Variants in CYP3A43 observed in about 807,000 individuals in gnomAD.
The protein encoded by CYP3A43 is cytochrome P450 3A43.
In CYP3A43, 45 loss-of-function variants were observed where a neutral mutation model predicts 58.0. The ratio of observed to expected loss-of-function variants is 0.78; its 90% CI spans 0.61 to 0.99. The LOEUF (loss-of-function observed/expected upper bound fraction) is 0.99, where lower values mean the gene tolerates loss of function less well. Ranked by LOEUF, CYP3A43 falls within the 50% of genes least tolerant of loss-of-function variation. CYP3A43 has a pLI of 0.00. For synonymous variants in CYP3A43, 191 were observed against 201.4 expected (o/e 0.95, Z 0.44); for missense variants, 593 against 591.9 (o/e 1.00, Z -0.02).
In CYP3A43 at chr7:99,865,801, T is replaced by C. The variant is rs370410013; in HGVS notation, c.1417-105T>C. Reference sequence around the variant, plus strand: ...GTATGGTGCTGAAAGTAGTTTTTTTTTAGTCATTGCAAAGCATTACCCTTG... The same window carrying C: ...GTATGGTGCTGAAAGTAGTTTTTTTCTAGTCATTGCAAAGCATTACCCTTG... On this transcript the variant is annotated intron_variant, in intron 12 of 12. Coordinates refer to ENST00000354829, the MANE Select transcript of CYP3A43 (RefSeq NM_057095.3). The C allele has an allele frequency of 4.2e-5, 29 of 694,404 alleles. 4 individuals carry two copies. The African/African-American group carries it at 5.9e-4, about 14-fold the overall frequency. 43.0% of individuals were successfully genotyped at this position (694,404 alleles called of 1,614,324 possible).
At chr7:99,855,386 C>T in intron 7 of CYP3A43, 1 of 530,072 alleles carries the variant, frequency 1.9e-6, no homozygotes, top group Non-Finnish European at 3.2e-6. Flanking sequence ...AGTGGAGGCC[C>T]CTATGTGTGG....
chr7:99,850,188 C>T, intron 7 of CYP3A43: 2 of 294,290 alleles, frequency 6.8e-6, no homozygotes, highest in East Asian at 1.0e-4. Context: ...AACCCCTAAC[C>T]TCATGATCCG....
chr7:99,849,833 A>G (rs1423033615), intron 7 of CYP3A43, 139 bp downstream of exon 7: 15 of 898,566 alleles, frequency 1.7e-5, no homozygotes, highest in African/African-American at 3.5e-5. Context: ...TGGTACATTT[A>G]AAGATATGCA....
chr7:99,850,880 C>T (rs1391876303), intron 7 of CYP3A43, among the ~76,000 whole-genome samples: 1 of 152,020 alleles, frequency 6.6e-6, no homozygotes, highest in East Asian at 1.9e-4. Flanking sequence ...AGATATGCTG[C>T]ATTTTGCGCT....
rs149596791 is a variant in CYP3A43, at chr7:99,835,730, G to C, written c.72-723G>C. ...GACTATGGTATTCCTTACCCAGGTA[G>C]TGTGTACACAGTGTGGGCATCCTTC... On this transcript the variant is annotated intron_variant, in intron 1 of 12. Transcript: ENST00000354829. Among the ~76,000 whole-genome samples, 107 of 152,318 alleles carry C rather than the reference G, an allele frequency of 7.0e-4. 1 individual carries two copies. In the East Asian group the frequency reaches 0.019, roughly 28 times the overall value.
In CYP3A43 at chr7:99,847,568, A is replaced by C. The variant is rs752107319; in HGVS notation, c.399A>C (p.Leu133=). 2 of 1,614,046 alleles carry C rather than the reference A, an allele frequency of 1.2e-6. No homozygotes were observed. Among genetic ancestry groups the C allele is most frequent in the South Asian group, 2.2e-5 (2 of 91,072 alleles). Residue 133 remains leucine (L), a synonymous_variant, in exon 5 of 13, where the codon CTA becomes CTC. Coordinates refer to ENST00000354829, the MANE Select transcript of CYP3A43 (RefSeq NM_057095.3). The part of the protein sequence containing the change: ...DEEWKRIRTL[L]SPAFTSVKFK... ...AATGGAAGAGAATACGAACATTGCT[A>C]TCTCCAGCTTTCACCAGTGTAAAAT...
rs1405513382 is a variant in CYP3A43, at chr7:99,836,669, G to A, written c.165+123G>A. ...TGTTTTACACTTTCAGAAATGGTGTGTATGCTCCACCCAGAGCAGGGCCAG... is the reference window on the plus strand; with the variant it reads ...TGTTTTACACTTTCAGAAATGGTGTATATGCTCCACCCAGAGCAGGGCCAG... On this transcript the variant is annotated intron_variant, in intron 2 of 12. Coordinates refer to ENST00000354829, the MANE Select transcript of CYP3A43 (RefSeq NM_057095.3). The A allele has an allele frequency of 5.7e-6, 4 of 701,198 alleles. No individual in the cohort carries two copies. In the East Asian group the frequency reaches 1.1e-4, roughly 20 times the overall value. The allele number at this position is 701,198 out of a possible 1,614,324, so 43.4% of individuals were successfully genotyped here.
intron 1 of CYP3A43, among the ~76,000 whole-genome samples, chr7:99,833,635 G>T (rs201135980): frequency 6.6e-6 from 1 of 152,138 alleles, no homozygotes; most frequent in African/African-American, 2.4e-5. Context: ...TTCTGCTTAC[G>T]CACTCTTTAA....
intron 4 of CYP3A43, among the ~76,000 whole-genome samples, chr7:99,846,899 T>C (rs553599359): frequency 6.6e-6 from 1 of 152,326 alleles, no homozygotes; most frequent in South Asian, 2.1e-4. Context: ...GAAATAGCAT[T>C]CTTTTCTTTA....
At chr7:99,839,914 T>C (rs1817266345) in intron 3 of CYP3A43, among the ~76,000 whole-genome samples, 1 of 152,198 alleles carries the variant, frequency 6.6e-6, no homozygotes, top group African/African-American at 2.4e-5. Context: ...CCTAATCTTT[T>C]ATTATGCAGA....
At chr7:99,844,324 G>T in intron 4 of CYP3A43, 82 bp downstream of exon 4, 3 of 1,348,134 alleles carry the variant, frequency 2.2e-6, no homozygotes, top group Non-Finnish European at 3.1e-6. Flanking sequence ...CCAGAAAATG[G>T]ACAGGAAAGT....
intron 11 of CYP3A43, 49 bp from the exon 12 acceptor site, chr7:99,863,488 T>C: frequency 1.3e-6 from 2 of 1,502,122 alleles, no homozygotes. Context: ...GTAGTTTTAA[T>C]AGTTTTTATG....
At chr7:99,847,008 A>AT (rs4646473) in intron 4 of CYP3A43, among the ~76,000 whole-genome samples, 5 of 151,156 alleles carry the variant, frequency 3.3e-5, no homozygotes, top group South Asian at 2.1e-4. Context: ...CTTATTACTA[A>AT]TTTTTTTTTC....
intron 7 of CYP3A43, among the ~76,000 whole-genome samples, chr7:99,853,808 G>T (rs572049883): frequency 6.6e-6 from 1 of 152,126 alleles, no homozygotes. Flanking sequence ...CACCTGCCTC[G>T]GCCTCCCAAA....
intron 3 of CYP3A43, 63 bp downstream of exon 3, chr7:99,839,235 A>G (rs1817228756): frequency 6.3e-7 from 1 of 1,591,560 alleles, no homozygotes; most frequent in African/African-American, 1.3e-5. Context: ...TTTACTGCAG[A>G]GAGAACAATC....
At chr7:99,843,175 C>T (rs1817406923) in intron 3 of CYP3A43, among the ~76,000 whole-genome samples, 1 of 152,154 alleles carries the variant, frequency 6.6e-6, no homozygotes, top group Admixed American at 6.6e-5. Flanking sequence ...GAGCACTTCT[C>T]AGAGCCTCAC....
At chr7:99,861,498 T>C in intron 10 of CYP3A43, 115 bp from the exon 11 acceptor site, 1 of 888,304 alleles carries the variant, frequency 1.1e-6, no homozygotes, top group Non-Finnish European at 1.7e-6. Flanking sequence ...TGCAACAATC[T>C]TTTACCAGAA....
In CYP3A43 at chr7:99,861,657, CATG is replaced by C; in HGVS notation, c.1072_1074del (p.Met358del). Reference sequence around the variant, plus strand: ...CCCTGGTACAGATGGAGTACCTTGACATGGTGGTGAATGAAACGCTCAGATTAT... The same window carrying C: ...CCCTGGTACAGATGGAGTACCTTGACGTGGTGAATGAAACGCTCAGATTAT... On this transcript the variant is annotated inframe_deletion, in exon 11 of 13. Coordinates refer to ENST00000354829, the MANE Select transcript of CYP3A43 (RefSeq NM_057095.3). 1 of 1,614,152 alleles carries C rather than the reference CATG, an allele frequency of 6.2e-7. No individual in the cohort carries two copies. The highest frequency in any genetic ancestry group is 8.5e-7 in the Non-Finnish European group (1 of 1,180,018).
chr7:99,849,891 C>T, intron 7 of CYP3A43, 197 bp downstream of exon 7: 2 of 633,682 alleles, frequency 3.2e-6, no homozygotes, highest in Non-Finnish European at 5.4e-6. Flanking sequence ...AACTTCTGAA[C>T]ATTTTTTGTA....
Sources: gnomAD v4.1 joint callset for allele counts (sites outside exome capture counted in the v4.1 genomes callset) on GRCh38, gnomAD v4.1.1 for gene constraint, MANE v1.5 for transcripts, NCBI Gene and HGNC (gene_info 2026-07-23, HGNC 2026-07-21) for gene names.